Variants in CABLES1 observed in about 807,000 individuals in gnomAD.
CABLES1 encodes the protein CDK5 and ABL1 enzyme substrate 1.
CABLES1 carries 36 observed loss-of-function variants against 57.8 expected under a neutral mutation model. The ratio of observed to expected loss-of-function variants is 0.62; its 90% CI spans 0.48 to 0.82. The LOEUF is 0.82. Among genes scored for constraint, CABLES1 ranks in the 40% least tolerant of loss-of-function variants. CABLES1 has a pLI of 0.00. For synonymous variants in CABLES1, 374 were observed against 363.0 expected, an observed-to-expected ratio of 1.03 and a Z score of -0.35; for missense variants, 767 against 836.6, an observed-to-expected ratio of 0.92 and a Z score of 1.03.
At chr18:23,179,331 A>T (rs1390227114) in intron 1 of CABLES1, among the ~76,000 whole-genome samples, 1 of 152,220 alleles carries the variant, frequency 6.6e-6, no homozygotes, top group Non-Finnish European at 1.5e-5. Context: ...ATTTAAAAAA[A>T]TCTAACCATC....
intron 4 of CABLES1, among the ~76,000 whole-genome samples, chr18:23,220,489 C>G (rs2047479081): frequency 6.6e-6 from 1 of 152,186 alleles, no homozygotes; most frequent in Admixed American, 6.5e-5. Flanking sequence ...GGCCGCAGAT[C>G]TGCCCTGTTG....
intron 4 of CABLES1, among the ~76,000 whole-genome samples, chr18:23,217,226 C>T (rs1316836566): frequency 4.6e-5 from 7 of 152,040 alleles, no homozygotes; most frequent in Admixed American, 2.6e-4. Flanking sequence ...GGACTACAGT[C>T]GCGCGCCACC....
intron 7 of CABLES1, among the ~76,000 whole-genome samples, chr18:23,247,387 G>C (rs1253850844): frequency 6.6e-6 from 1 of 152,240 alleles, no homozygotes. Flanking sequence ...TCCATACTCT[G>C]AACAGTGTGG....
At chr18:23,206,922 C>T (rs2047368077) in intron 3 of CABLES1, among the ~76,000 whole-genome samples, 1 of 151,756 alleles carries the variant, frequency 6.6e-6, no homozygotes, top group Admixed American at 6.6e-5. Context: ...GCAATCCTTC[C>T]ACCTCAGCCT....
At chr18:23,153,337 A>G (rs1181820688) in intron 1 of CABLES1, among the ~76,000 whole-genome samples, 2 of 151,984 alleles carry the variant, frequency 1.3e-5, no homozygotes, top group Non-Finnish European at 2.9e-5. Flanking sequence ...GGCTCAAGCC[A>G]TCTGCCTGCC....
At chr18:23,162,411 G>A (rs1346426920) in intron 1 of CABLES1, among the ~76,000 whole-genome samples, 4 of 152,134 alleles carry the variant, frequency 2.6e-5, no homozygotes, top group African/African-American at 9.7e-5. Flanking sequence ...CTGAAGGGAG[G>A]CATAAATCTG....
chr18:23,215,968 A>G (rs2047438930), intron 4 of CABLES1, among the ~76,000 whole-genome samples: 1 of 152,076 alleles, frequency 6.6e-6, no homozygotes, highest in Non-Finnish European at 1.5e-5. Flanking sequence ...GTTAGCCAGG[A>G]TGGTCTTGAT....
chr18:23,190,293 C>T (rs1466962808), intron 2 of CABLES1: 1 of 152,190 alleles, frequency 6.6e-6, no homozygotes, highest in Non-Finnish European at 1.5e-5. Context: ...TGCTCCCTCA[C>T]TCCTGCCACA....
rs535545860 is a variant in CABLES1, at chr18:23,169,297, T to C, written c.846-19541T>C. On this transcript the variant is annotated intron_variant, in intron 1 of 9. Coordinates refer to ENST00000256925, the MANE Select transcript of CABLES1 (RefSeq NM_001100619.3). ...TCTGTGTAGGGAGTAGTCATTCTTTTGTTTCTTTACTTTCTTAATAAACTT... is the reference window on the plus strand; with the variant it reads ...TCTGTGTAGGGAGTAGTCATTCTTTCGTTTCTTTACTTTCTTAATAAACTT... 1.1e-3 allele frequency among the ~76,000 whole-genome samples: 171 copies of C among 152,330 alleles called. 1 individual carries two copies. Among genetic ancestry groups the C allele is most frequent in the African/African-American group, 4.0e-3 (165 of 41,578 alleles).
At chr18:23,232,767 C>T (rs1319817355) in intron 4 of CABLES1, among the ~76,000 whole-genome samples, 2 of 152,158 alleles carry the variant, frequency 1.3e-5, no homozygotes, top group Non-Finnish European at 2.9e-5. Context: ...AGGTCTTGGG[C>T]ATTTCTGTTA....
intron 1 of CABLES1, among the ~76,000 whole-genome samples, chr18:23,164,679 ATTT>A (rs1411017329): frequency 2.0e-5 from 3 of 151,338 alleles, no homozygotes; most frequent in Non-Finnish European, 4.4e-5. Context: ...TTGCAGGATA[ATTT>A]TTTTTAATTT....
intron 4 of CABLES1, among the ~76,000 whole-genome samples, chr18:23,228,464 T>C (rs2047543689): frequency 6.6e-6 from 1 of 152,108 alleles, no homozygotes; most frequent in South Asian, 2.1e-4. Context: ...AAGACAGGGG[T>C]CCAGGGGTTT....
intron 1 of CABLES1, among the ~76,000 whole-genome samples, chr18:23,152,486 A>T (rs1411300591): frequency 4.4e-5 from 6 of 134,854 alleles, no homozygotes; most frequent in Non-Finnish European, 3.1e-5. Flanking sequence ...GTTTGGTCTA[A>T]TTTTTTTTTT....
chr18:23,220,816 T>A lies in CABLES1; in HGVS notation c.1088+6762T>A, dbSNP rs186838852. ...ATGCTCCCAAGGCAAATACCAGACA[T>A]CTCTGGGTGGAGTCTTAAGTGAAAA... On this transcript the variant is annotated intron_variant, in intron 4 of 9. Coordinates refer to ENST00000256925, the MANE Select transcript of CABLES1 (RefSeq NM_001100619.3). Among the ~76,000 whole-genome samples the A allele has an allele frequency of 1.4e-4, 21 of 152,308 alleles. No individual in the cohort carries two copies. In the East Asian group the frequency reaches 3.9e-3, roughly 28 times the overall value.
At chr18:23,141,382 G>T (rs758016407) in intron 1 of CABLES1, among the ~76,000 whole-genome samples, 2 of 152,186 alleles carry the variant, frequency 1.3e-5, no homozygotes, top group Non-Finnish European at 2.9e-5. Flanking sequence ...AAGAATCAGG[G>T]TAAGAAAGGG....
chr18:23,208,472 G>A (rs1053031560), intron 3 of CABLES1, among the ~76,000 whole-genome samples: 8 of 152,218 alleles, frequency 5.3e-5, no homozygotes, highest in East Asian at 1.9e-4. Flanking sequence ...TTTTAATAAA[G>A]CATTGTGAGA....
chr18:23,256,686 T>C (rs961992328), intron 9 of CABLES1, among the ~76,000 whole-genome samples: 1 of 152,134 alleles, frequency 6.6e-6, no homozygotes, highest in South Asian at 2.1e-4. Flanking sequence ...GGTTTCACCA[T>C]GTTGCCCAGG....
intron 4 of CABLES1, among the ~76,000 whole-genome samples, chr18:23,232,020 G>A (rs974411967): frequency 2.0e-5 from 3 of 152,128 alleles, no homozygotes; most frequent in African/African-American, 7.2e-5. Context: ...CAGTACCGGC[G>A]AGACAGCAAA....
rs190396205 is a variant in CABLES1 at position 23,185,737 on chromosome 18, G to A, written c.846-3101G>A. Among the ~76,000 whole-genome samples, 69 of 152,280 alleles carry A rather than the reference G, an allele frequency of 4.5e-4. No individual in the cohort carries two copies. In the East Asian group the frequency reaches 0.013, roughly 28 times the overall value. On this transcript the variant is annotated intron_variant, in intron 1 of 9. Transcript: ENST00000256925. ...TCACCTGAAAATGCTCTTCTACAAAGGAAGGCCAAAGTGTGACAGAACGTG... is the reference window on the plus strand; with the variant it reads ...TCACCTGAAAATGCTCTTCTACAAAAGAAGGCCAAAGTGTGACAGAACGTG...
Sources: allele counts gnomAD v4.1 joint callset (sites outside exome capture counted in the v4.1 genomes callset), GRCh38; gene constraint gnomAD v4.1.1; transcripts MANE v1.5; gene names NCBI Gene and HGNC (gene_info 2026-07-23, HGNC 2026-07-21).